Variants in SERPINE3 observed in about 807,000 individuals in gnomAD.
The protein encoded by SERPINE3 is serpin family E member 3.
A neutral mutation model predicts 41.7 loss-of-function variants in SERPINE3; 43 were observed. The observed-to-expected ratio is 1.03, with a 90% confidence interval of 0.81 to 1.33. SERPINE3 has a LOEUF of 1.33. Among genes scored for constraint, SERPINE3 ranks in the 40% most tolerant of loss-of-function variants. The pLI, the probability that SERPINE3 is intolerant of heterozygous loss-of-function variation, is 0.00. For synonymous variants in SERPINE3, 200 were observed against 192.2 expected (o/e 1.04, Z -0.34); for missense variants, 440 against 491.7 (o/e 0.89, Z 0.99).
chr13:51,345,592 CAAAAAAAAA>C (rs753888958), intron 4 of SERPINE3, among the ~76,000 whole-genome samples: 9 of 37,044 alleles, frequency 2.4e-4, no homozygotes, highest in African/African-American at 8.0e-4. Flanking sequence ...GATTTCATCT[CAAAAAAAAA>C]AAAAAAAAAA....
At position 51,344,382 on chromosome 13, in the gene SERPINE3, G is replaced by A. The variant is rs985252882; in HGVS notation, c.387G>A (p.Glu129=). 4 of 1,612,960 alleles carry A rather than the reference G, an allele frequency of 2.5e-6. No homozygotes were observed. In the African/African-American group the frequency reaches 5.3e-5, roughly 22 times the overall value. ...VGTPLSPCFV[E]HVSWWANSSL... ...CGCCACTGTCCCCCTGCTTTGTGGA[G>A]CACGTCTCCTGGTGGGCTAACAGCA... Residue 129 remains glutamate (E), a synonymous_variant, in exon 4 of 10, where the codon GAG becomes GAA. Transcript: ENST00000681248.
In SERPINE3 at chr13:51,341,081, T is replaced by C. The variant is rs771792390; in HGVS notation, c.-11T>C. 1 of 1,612,764 alleles carries C rather than the reference T, an allele frequency of 6.2e-7. No homozygotes were observed. The highest frequency in any genetic ancestry group is 8.5e-7 in the Non-Finnish European group (1 of 1,179,194). The stretch of plus-strand genomic sequence containing the variant: ...TCTTCCCTCTGAATTGCAGGAACCC[T>C]CCCAGCCTCCATGCCGCCTTTCCTG... On this transcript the variant is annotated 5_prime_UTR_variant, in exon 3 of 10. Transcript: ENST00000681248.
At chr13:51,357,608 T>G (rs1413734816) in intron 7 of SERPINE3, among the ~76,000 whole-genome samples, 5 of 152,140 alleles carry the variant, frequency 3.3e-5, no homozygotes, top group African/African-American at 1.2e-4. Context: ...ATATTTTTTT[T>G]GCTGCCTTAA....
chr13:51,344,347 C>A lies in SERPINE3; in HGVS notation c.352C>A (p.Gln118Lys). The change falls in exon 4 of 10, where the codon CAA (glutamine) becomes AAA (lysine). Residue 118 changes from glutamine to lysine, a missense_variant. Physicochemically the swap from Gln to Lys is moderately conservative, Grantham distance 53 (BLOSUM62 1). Coordinates refer to ENST00000681248, the MANE Select transcript of SERPINE3 (RefSeq NM_001386375.1). ...EMELACSLFV[Q>K]VGTPLSPCFV... ...GGAGCTGGCCTGCAGCCTTTTTGTGCAAGTGGGAACGCCACTGTCCCCCTG... is the reference window on the plus strand; with the variant it reads ...GGAGCTGGCCTGCAGCCTTTTTGTGAAAGTGGGAACGCCACTGTCCCCCTG... The A allele has an allele frequency of 6.2e-7, 1 of 1,613,866 alleles. No homozygotes were observed. The highest frequency in any genetic ancestry group is 8.5e-7 in the Non-Finnish European group (1 of 1,179,848).
chr13:51,348,711 C>T (rs533934761), intron 6 of SERPINE3: 2 of 346,066 alleles, frequency 5.8e-6, no homozygotes, highest in Non-Finnish European at 1.1e-5. Context: ...CTGATCCAGC[C>T]CTAGGCTGGA....
chr13:51,362,206 T>C lies in SERPINE3; in HGVS notation c.1171+313T>C. ...GGAAAAATCATGAAAGTAAAATAAA[T>C]TATAAATCTTGCCCTTTTTTCCCTT... On this transcript the variant is annotated intron_variant, in intron 9 of 9. Transcript: ENST00000681248. 9.5e-6 allele frequency: 6 copies of C among 634,438 alleles called. No individual in the cohort carries two copies. In the South Asian group the frequency reaches 1.5e-4, roughly 16 times the overall value. 39.3% of individuals were successfully genotyped at this position (634,438 alleles called of 1,614,324 possible). A position where few individuals can be genotyped will look rare whatever the true frequency, so the allele number is the denominator to read the frequency against.
intron 9 of SERPINE3, chr13:51,363,978 G>A (rs755603714): frequency 3.8e-6 from 1 of 262,538 alleles, no homozygotes; most frequent in Non-Finnish European, 7.0e-6. Flanking sequence ...TGTTAAGTAT[G>A]AATTTTTATC....
rs1391805117 is a variant in SERPINE3, at chr13:51,364,461, C to G, written c.*179C>G. 2 of 495,588 alleles carry G rather than the reference C, an allele frequency of 4.0e-6. No individual in the cohort carries two copies. Among genetic ancestry groups the G allele is most frequent in the Non-Finnish European group, 7.1e-6 (2 of 282,714 alleles). 30.7% of individuals were successfully genotyped at this position (495,588 alleles called of 1,614,324 possible). A position where few individuals can be genotyped will look rare whatever the true frequency, so the allele number is the denominator to read the frequency against. On this transcript the variant is annotated 3_prime_UTR_variant, in exon 10 of 10. Coordinates refer to ENST00000681248, the MANE Select transcript of SERPINE3 (RefSeq NM_001386375.1). Reference sequence around the variant, plus strand: ...AAATGTTATAAGTTTATTTTGCCTACTCTTAATCCAAATCTATTTTGACCT... The same window carrying G: ...AAATGTTATAAGTTTATTTTGCCTAGTCTTAATCCAAATCTATTTTGACCT...
At chr13:51,357,898 T>C (rs894941243) in intron 7 of SERPINE3, among the ~76,000 whole-genome samples, 1 of 152,148 alleles carries the variant, frequency 6.6e-6, no homozygotes, top group African/African-American at 2.4e-5. Context: ...GTAGGTAGTT[T>C]CCAATCTCTG....
In SERPINE3 at chr13:51,360,439, G is replaced by A. The variant is rs115048786; in HGVS notation, c.1001-839G>A. Reference sequence around the variant, plus strand: ...CTAAAATGAAAGGATTGGACTGAATGATTTCCTAAGTTTCTTCTGGTTCTA... The same window carrying A: ...CTAAAATGAAAGGATTGGACTGAATAATTTCCTAAGTTTCTTCTGGTTCTA... On this transcript the variant is annotated intron_variant, in intron 7 of 9. Coordinates refer to ENST00000681248, the MANE Select transcript of SERPINE3 (RefSeq NM_001386375.1). 8.5e-3 allele frequency among the ~76,000 whole-genome samples: 1,296 copies of A among 152,102 alleles called. 18 individuals carry two copies. Among genetic ancestry groups the A allele is most frequent in the African/African-American group, 0.029 (1,193 of 41,520 alleles).
chr13:51,349,965 A>C (rs1955388935), intron 6 of SERPINE3, among the ~76,000 whole-genome samples: 1 of 152,202 alleles, frequency 6.6e-6, no homozygotes, highest in Non-Finnish European at 1.5e-5. Flanking sequence ...TGGGGAACAA[A>C]ACAAAAAAAG....
At chr13:51,361,930 A>G in intron 9 of SERPINE3, 37 bp downstream of exon 9, 7 of 1,611,968 alleles carry the variant, frequency 4.3e-6, no homozygotes, top group East Asian at 2.2e-5. Flanking sequence ...CAGATAATTT[A>G]TCAGTGTCTC....
intron 7 of SERPINE3, among the ~76,000 whole-genome samples, chr13:51,357,184 T>C (rs1450240283): frequency 1.3e-5 from 2 of 152,206 alleles, no homozygotes; most frequent in Non-Finnish European, 2.9e-5. Flanking sequence ...ACCAAATTAT[T>C]GCTTCTTAAT....
chr13:51,342,482 T>G (rs1199249993), intron 3 of SERPINE3, among the ~76,000 whole-genome samples: 2 of 152,222 alleles, frequency 1.3e-5, no homozygotes, highest in African/African-American at 4.8e-5. Context: ...ATGAACACAG[T>G]CAACCTCCGG....
At chr13:51,342,223 C>CA (rs1052498502) in intron 3 of SERPINE3, among the ~76,000 whole-genome samples, 3 of 150,830 alleles carry the variant, frequency 2.0e-5, no homozygotes, top group African/African-American at 2.4e-5. Flanking sequence ...TCTGCGGCCT[C>CA]ACGTTCATTC....
chr13:51,355,341 G>T (rs1955464896), intron 7 of SERPINE3, among the ~76,000 whole-genome samples, 198 bp downstream of exon 7: 1 of 152,082 alleles, frequency 6.6e-6, no homozygotes, highest in South Asian at 2.1e-4. Context: ...GTTTCTTCAG[G>T]CCTTAATCAT....
chr13:51,352,093 C>A (rs1955409412), intron 6 of SERPINE3, among the ~76,000 whole-genome samples: 1 of 152,042 alleles, frequency 6.6e-6, no homozygotes, highest in Non-Finnish European at 1.5e-5. Context: ...CTATTCTGGG[C>A]CCCTTGCATT....
At chr13:51,356,782 CTTT>C (rs10563020) in intron 7 of SERPINE3, among the ~76,000 whole-genome samples, 22 of 147,084 alleles carry the variant, frequency 1.5e-4, no homozygotes, top group African/African-American at 3.7e-4. Flanking sequence ...GATACGAAAC[CTTT>C]TTTTTTTTTT....
chr13:51,353,795 A>G (rs1471368296), intron 6 of SERPINE3, among the ~76,000 whole-genome samples: 2 of 152,172 alleles, frequency 1.3e-5, no homozygotes, highest in African/African-American at 4.8e-5. Flanking sequence ...TTTGATATTA[A>G]ATGGTCTTGT....
Sources: gnomAD v4.1 joint callset for allele counts (sites outside exome capture counted in the v4.1 genomes callset) on GRCh38, gnomAD v4.1.1 for gene constraint, MANE v1.5 for transcripts, NCBI Gene and HGNC (gene_info 2026-07-23, HGNC 2026-07-21) for gene names.